The following TTC13 variants were observed in gnomAD, a reference collection of about 807,000 sequenced individuals.
TTC13 encodes tetratricopeptide repeat domain 13.
In TTC13, 62 loss-of-function variants were observed where a neutral mutation model predicts 120.0. The observed-to-expected ratio is 0.52, with a 90% CI of 0.42 to 0.64. The LOEUF (loss-of-function observed/expected upper bound fraction) is 0.64. Among genes scored for constraint, TTC13 ranks in the 30% least tolerant of loss-of-function variants. The probability of loss-of-function intolerance (pLI) is 0.00; values close to 1 mark genes in which losing one functional copy is unlikely to be tolerated. For missense variants in TTC13, 824 were observed against 1,050.2 expected, an observed-to-expected ratio of 0.78 and a Z score of 2.98; for synonymous variants, 384 against 393.5, an observed-to-expected ratio of 0.98 and a Z score of 0.28.
rs371601724 is a variant in TTC13, at chr1:230,917,196, G to A, written c.1984-894C>T. On this transcript the variant is annotated intron_variant, in intron 17 of 22. Transcript: ENST00000366661. Reference sequence around the variant, plus strand: ...AAGCATCTTTCACGCCAAAAAAAACGACTTTCAGGAGAAGAAATGCGTTAA... The same window carrying A: ...AAGCATCTTTCACGCCAAAAAAAACAACTTTCAGGAGAAGAAATGCGTTAA... 2.0e-5 allele frequency among the ~76,000 whole-genome samples: 3 copies of A among 152,172 alleles called. No individual in the cohort carries two copies. The East Asian group carries it at 5.8e-4, about 29-fold the overall frequency.
At chr1:230,963,503 G>A (rs1317319132) in intron 1 of TTC13, among the ~76,000 whole-genome samples, 1 of 152,016 alleles carries the variant, frequency 6.6e-6, no homozygotes, top group East Asian at 1.9e-4. Context: ...GGGTGTGGTA[G>A]TACATGCCTG....
rs1671616852 is a variant in TTC13 at position 230,912,660 on chromosome 1, G to A, written c.2192C>T (p.Ala731Val). The change falls in exon 19 of 23, where the codon GCA becomes GTA. Residue 731 changes from alanine (A) to valine (V), a missense_variant. Physicochemically the swap from Ala to Val is moderately conservative, Grantham distance 64 (BLOSUM62 0). Coordinates refer to ENST00000366661, the MANE Select transcript of TTC13 (RefSeq NM_024525.5). Reference protein sequence around the residue: ...EIDALYKDLTAKGKVLILSSE... With the variant: ...EIDALYKDLTVKGKVLILSSE... ...TGAAAGAATCAATACTTTTCCTTTT[G>A]CTGTCAAATCTTTATAAAGTGCATC... 1 of 1,612,192 alleles carries A rather than the reference G, an allele frequency of 6.2e-7. No individual in the cohort carries two copies. Among genetic ancestry groups the A allele is most frequent in the Non-Finnish European group, 8.5e-7 (1 of 1,179,544 alleles).
intron 15 of TTC13, 91 bp downstream of exon 15, chr1:230,923,750 A>G: frequency 9.4e-7 from 1 of 1,060,462 alleles, no homozygotes; most frequent in Non-Finnish European, 1.4e-6. Context: ...AGTCACCAGG[A>G]AAGGAGCAAT....
intron 7 of TTC13, 37 bp from the exon 8 acceptor site, chr1:230,939,533 A>G (rs1399506573): frequency 7.4e-7 from 1 of 1,357,916 alleles, no homozygotes; most frequent in East Asian, 2.3e-5. Flanking sequence ...ATAAAATAGT[A>G]TTCATTAGAT....
chr1:230,930,716 G>A (rs976468643), intron 11 of TTC13, among the ~76,000 whole-genome samples: 2 of 152,250 alleles, frequency 1.3e-5, no homozygotes, highest in Admixed American at 6.5e-5. Flanking sequence ...TCAAGAGATC[G>A]AGACCATCCT....
At chr1:230,970,575 G>C (rs1420696196) in intron 1 of TTC13, among the ~76,000 whole-genome samples, 3 of 152,212 alleles carry the variant, frequency 2.0e-5, no homozygotes, top group Non-Finnish European at 4.4e-5. Flanking sequence ...TCTGCGGGCA[G>C]GCCAGTAGCT....
At chr1:230,952,499 A>G (rs183949197) in intron 4 of TTC13, among the ~76,000 whole-genome samples, 1 of 152,364 alleles carries the variant, frequency 6.6e-6, no homozygotes, top group African/African-American at 2.4e-5. Flanking sequence ...AAGCAGTCCA[A>G]TCTTATAATC....
intron 11 of TTC13, among the ~76,000 whole-genome samples, chr1:230,930,336 G>A (rs1309681822): frequency 6.6e-6 from 1 of 151,950 alleles, no homozygotes; most frequent in Non-Finnish European, 1.5e-5. Context: ...CCACTTCTTT[G>A]ATTTTCACTT....
chr1:230,932,764 C>A (rs1423454747), intron 9 of TTC13, among the ~76,000 whole-genome samples: 1 of 152,162 alleles, frequency 6.6e-6, no homozygotes, highest in Non-Finnish European at 1.5e-5. Context: ...GATAAATAAG[C>A]TCTTGAATGT....
intron 3 of TTC13, among the ~76,000 whole-genome samples, chr1:230,957,618 GT>G (rs1207154447): frequency 2.0e-5 from 3 of 152,178 alleles, no homozygotes; most frequent in Non-Finnish European, 4.4e-5. Flanking sequence ...GCTCAGCCCT[GT>G]ATTCAATTTT....
Position 230,921,294 on chromosome 1 carries a change from CTG to C in TTC13, c.1898+125_1898+126del, listed in dbSNP as rs1351686551. On this transcript the variant is annotated intron_variant, in intron 16 of 22. Transcript: ENST00000366661. ...ATGAAAGCCTTTACGATTCTAAACA[CTG>C]TGTAAAAATTTGATAGACCTTGTTT... is the stretch of plus-strand genomic sequence containing the variant. The C allele has an allele frequency of 9.3e-5, 53 of 571,042 alleles. No individual in the cohort carries two copies. The East Asian group carries it at 1.4e-3, about 15-fold the overall frequency. 35.4% of individuals were successfully genotyped at this position (571,042 alleles called of 1,614,324 possible).
chr1:230,929,463 C>T (rs956233361), intron 11 of TTC13, among the ~76,000 whole-genome samples: 10 of 151,770 alleles, frequency 6.6e-5, no homozygotes, highest in South Asian at 2.1e-4. Flanking sequence ...TACAGGCACC[C>T]GCCACCATGC....
intron 7 of TTC13, 27 bp from the exon 8 acceptor site, chr1:230,939,523 A>G: frequency 7.0e-7 from 1 of 1,436,698 alleles, no homozygotes; most frequent in Non-Finnish European, 9.7e-7. Flanking sequence ...GGGGGGAAAA[A>G]TAAAATAGTA....
intron 3 of TTC13, among the ~76,000 whole-genome samples, chr1:230,955,667 T>A (rs796912632): frequency 1.2e-5 from 1 of 82,182 alleles, no homozygotes; most frequent in Non-Finnish European, 2.2e-5. Context: ...AGAGACTCCA[T>A]CTCAAAAAAA....
At chr1:230,968,048 C>T (rs981470719) in intron 1 of TTC13, among the ~76,000 whole-genome samples, 1 of 152,270 alleles carries the variant, frequency 6.6e-6, no homozygotes, top group African/African-American at 2.4e-5. Flanking sequence ...GTTCTCATGG[C>T]CTCTGGAGCT....
At chr1:230,919,446 A>G (rs1401336844) in intron 17 of TTC13, among the ~76,000 whole-genome samples, 1 of 152,160 alleles carries the variant, frequency 6.6e-6, no homozygotes, top group Non-Finnish European at 1.5e-5. Context: ...CTGCCATTAA[A>G]CACTTCCTGT....
intron 4 of TTC13, among the ~76,000 whole-genome samples, chr1:230,946,764 C>G (rs553736535): frequency 6.6e-6 from 1 of 152,310 alleles, no homozygotes; most frequent in Non-Finnish European, 1.5e-5. Flanking sequence ...CACAGCCACA[C>G]TGCACCAACT....
chr1:230,970,209 TCTC>T (rs946308307), intron 1 of TTC13, among the ~76,000 whole-genome samples: 41 of 152,278 alleles, frequency 2.7e-4, no homozygotes, highest in African/African-American at 9.1e-4. Context: ...ACTTCTTTCC[TCTC>T]CTCCTAAACC....
Position 230,920,554 on chromosome 1 carries a change from G to A in TTC13, c.1939C>T (p.Leu647=). ...TCTTCTACTTTGTGTACCTTTTCCAGGGCTTCCCGAACTTCCAGCAATCCT... is the reference window on the plus strand; with the variant it reads ...TCTTCTACTTTGTGTACCTTTTCCAAGGCTTCCCGAACTTCCAGCAATCCT... ...PKGLLEVREA[L]EKVHKVEDLL... Residue 647 remains leucine (L), a synonymous_variant, in exon 17 of 23, where the codon CTG becomes TTG. Coordinates refer to ENST00000366661, the MANE Select transcript of TTC13 (RefSeq NM_024525.5). 6.2e-7 allele frequency: 1 copy of A among 1,601,318 alleles called. No individual in the cohort carries two copies. The highest frequency in any genetic ancestry group is 1.1e-5 in the South Asian group (1 of 88,198).
Sources: gnomAD v4.1 joint callset for allele counts (sites outside exome capture counted in the v4.1 genomes callset) on GRCh38, gnomAD v4.1.1 for gene constraint, MANE v1.5 for transcripts, NCBI Gene and HGNC (gene_info 2026-07-23, HGNC 2026-07-21) for gene names.